Variants in DHRS7B observed in about 807,000 individuals in gnomAD.
DHRS7B encodes dehydrogenase/reductase 7B.
A neutral mutation model predicts 26.4 loss-of-function variants in DHRS7B; 24 were observed. The ratio of observed to expected loss-of-function variants is 0.91; its 90% CI spans 0.66 to 1.28. The LOEUF (loss-of-function observed/expected upper bound fraction) is 1.28, where lower values mean the gene tolerates loss of function less well. Ranked by LOEUF, DHRS7B falls within the 50% of genes most tolerant of loss-of-function variation. The probability of loss-of-function intolerance (pLI) is 0.00; values close to 1 mark genes in which losing one functional copy is unlikely to be tolerated. For synonymous variants in DHRS7B, 142 were observed against 166.4 expected, an observed-to-expected ratio of 0.85 and a Z score of 1.13; for missense variants, 368 against 419.4, an observed-to-expected ratio of 0.88 and a Z score of 1.07.
intron 1 of DHRS7B, among the ~76,000 whole-genome samples, chr17:21,163,554 A>T (rs986120327): frequency 2.6e-5 from 4 of 152,194 alleles, no homozygotes; most frequent in Admixed American, 2.6e-4. Flanking sequence ...ATTTTAGTGG[A>T]TGGAAAAGCA....
intron 2 of DHRS7B, among the ~76,000 whole-genome samples, chr17:21,176,946 G>T (rs1038082887): frequency 6.6e-6 from 1 of 152,228 alleles, no homozygotes. Flanking sequence ...TGTTGCAGGG[G>T]AGGGTAAGCA....
chr17:21,186,930 T>C (rs7225400), intron 5 of DHRS7B, among the ~76,000 whole-genome samples: 2,964 of 152,148 alleles, frequency 0.019, 89 homozygotes, highest in African/African-American at 0.066. Flanking sequence ...GGCCCACTGA[T>C]GGGGCCAATT....
intron 1 of DHRS7B, among the ~76,000 whole-genome samples, chr17:21,140,539 C>CAA (rs1597733322): frequency 8.3e-6 from 1 of 120,626 alleles, no homozygotes; most frequent in African/African-American, 3.3e-5. Flanking sequence ...CACACACACA[C>CAA]CCTGACACCC....
chr17:21,184,329 T>A (rs1974580623), intron 4 of DHRS7B, 42 bp from the exon 5 acceptor site: 1 of 1,559,572 alleles, frequency 6.4e-7, no homozygotes, highest in African/African-American at 1.4e-5. Flanking sequence ...GTGCAATGAC[T>A]GGAAGTAGGG....
intron 1 of DHRS7B, among the ~76,000 whole-genome samples, chr17:21,156,788 C>G (rs1420454351): frequency 6.6e-6 from 1 of 151,598 alleles, no homozygotes; most frequent in African/African-American, 2.4e-5. Flanking sequence ...TGGCATGCAC[C>G]TGTCATCCCA....
chr17:21,185,948 A>C (rs1445427755), intron 5 of DHRS7B, among the ~76,000 whole-genome samples: 1 of 152,216 alleles, frequency 6.6e-6, no homozygotes, highest in African/African-American at 2.4e-5. Context: ...TCAGCCTCCC[A>C]AAGCGTTGAG....
At chr17:21,181,776 C>CAA (rs1206028976) in intron 3 of DHRS7B, among the ~76,000 whole-genome samples, 1 of 152,166 alleles carries the variant, frequency 6.6e-6, no homozygotes, top group Non-Finnish European at 1.5e-5. Flanking sequence ...AGAAACACAG[C>CAA]TGATTTTTGG....
chr17:21,127,018 C>G (rs1241947142), intron 1 of DHRS7B, 27 bp downstream of exon 1: 5 of 1,512,066 alleles, frequency 3.3e-6, no homozygotes, highest in Admixed American at 2.4e-5. Flanking sequence ...AAGGAACCTC[C>G]GAGATGAGGC....
chr17:21,140,684 G>GA (rs1480037331), intron 1 of DHRS7B, among the ~76,000 whole-genome samples: 1 of 151,982 alleles, frequency 6.6e-6, no homozygotes, highest in Admixed American at 6.6e-5. Flanking sequence ...AGGCAGAAAA[G>GA]AAAAAATAGA....
chr17:21,191,207 C>G lies in DHRS7B; in HGVS notation c.*54C>G. ...GAAGCAGCACTCTTAGGCTTGCTTA[C>G]TCTACAAGGGACAGTTGCATTTGTT... On this transcript the variant is annotated 3_prime_UTR_variant, in exon 7 of 7. Coordinates refer to ENST00000395511, the MANE Select transcript of DHRS7B (RefSeq NM_015510.5). 6.4e-7 allele frequency: 1 copy of G among 1,562,920 alleles called. No homozygotes were observed. The highest frequency in any genetic ancestry group is 8.8e-7 in the Non-Finnish European group (1 of 1,136,852).
rs540444133 is a variant in DHRS7B, at chr17:21,166,128, C to T, written c.21-5890C>T. Reference sequence around the variant, plus strand: ...GCTGGGCTTTGGCACCTTTCTCCGCCCCCCCTCACAGGATTGCCGGGAAGC... The same window carrying T: ...GCTGGGCTTTGGCACCTTTCTCCGCTCCCCCTCACAGGATTGCCGGGAAGC... On this transcript the variant is annotated intron_variant, in intron 1 of 6. Coordinates refer to ENST00000395511, the MANE Select transcript of DHRS7B (RefSeq NM_015510.5). 27 of 984,958 alleles carry T rather than the reference C, an allele frequency of 2.7e-5. No individual in the cohort carries two copies. The Admixed American group carries it at 8.0e-4, about 29-fold the overall frequency. 61.0% of individuals were successfully genotyped at this position (984,958 alleles called of 1,614,324 possible).
rs889996561 is a variant in DHRS7B at position 21,183,764 on chromosome 17, G to C, written c.480G>C (p.Lys160Asn). 1 of 1,614,142 alleles carries C rather than the reference G, an allele frequency of 6.2e-7. No individual in the cohort carries two copies. Among genetic ancestry groups the C allele is most frequent in the Non-Finnish European group, 8.5e-7 (1 of 1,180,060 alleles). Residue 160 changes from lysine (K) to asparagine (N), a missense_variant, in exon 4 of 7, where the codon AAG becomes AAC. Physicochemically the swap from Lys to Asn is moderately conservative, Grantham distance 94. Coordinates refer to ENST00000395511, the MANE Select transcript of DHRS7B (RefSeq NM_015510.5). The stretch of plus-strand genomic sequence containing the variant: ...TGGACACCACAGTGGATGTGGACAA[G>C]AGGGTCATGGAGACAAACTACTTTG... ...TIMDTTVDVDKRVMETNYFGP... is the reference protein window; with the variant it reads ...TIMDTTVDVDNRVMETNYFGP...
At chr17:21,132,603 A>G (rs1478320503) in intron 1 of DHRS7B, among the ~76,000 whole-genome samples, 1 of 150,724 alleles carries the variant, frequency 6.6e-6, no homozygotes, top group Non-Finnish European at 1.5e-5. Flanking sequence ...GTTGCAGCCT[A>G]GTGTTTGCCT....
At chr17:21,159,469 A>T (rs893694726) in intron 1 of DHRS7B, among the ~76,000 whole-genome samples, 1 of 150,744 alleles carries the variant, frequency 6.6e-6, no homozygotes, top group African/African-American at 2.4e-5. Context: ...GTTGGTCAGG[A>T]TGGTCTCAAG....
chr17:21,157,414 AG>A (rs1265023585), intron 1 of DHRS7B, among the ~76,000 whole-genome samples: 1 of 152,196 alleles, frequency 6.6e-6, no homozygotes, highest in Non-Finnish European at 1.5e-5. Context: ...TATTCAAATC[AG>A]GCTAGGCACA....
At chr17:21,132,961 T>A (rs911814643) in intron 1 of DHRS7B, among the ~76,000 whole-genome samples, 3 of 152,116 alleles carry the variant, frequency 2.0e-5, no homozygotes, top group Admixed American at 6.6e-5. Context: ...AGAGTCTGAG[T>A]ACGTTGGTTG....
Position 21,162,934 on chromosome 17 carries a change from G to T in DHRS7B, c.21-9084G>T, listed in dbSNP as rs962110488. On this transcript the variant is annotated intron_variant, in intron 1 of 6. Transcript: ENST00000395511. The stretch of plus-strand genomic sequence containing the variant: ...GTTTAGGCCGGGCACAGTGGCTCAC[G>T]CCTGTAATCTCAGCACTTTGGGAGG... Among the ~76,000 whole-genome samples the T allele has an allele frequency of 7.2e-5, 11 of 152,172 alleles. No homozygotes were observed. In the East Asian group the frequency reaches 1.5e-3, roughly 21 times the overall value.
At chr17:21,129,719 A>AAG (rs111625614) in intron 1 of DHRS7B, among the ~76,000 whole-genome samples, 2,135 of 149,610 alleles carry the variant, frequency 0.014, 48 homozygotes, top group African/African-American at 0.051. Context: ...AAAAAAAAAA[A>AAG]AAAAAGAAAA....
At chr17:21,161,179 G>A (rs944408330) in intron 1 of DHRS7B, among the ~76,000 whole-genome samples, 1 of 152,130 alleles carries the variant, frequency 6.6e-6, no homozygotes, top group Non-Finnish European at 1.5e-5. Flanking sequence ...ACTGAGAGTG[G>A]GCACTAATGT....
Sources: gnomAD v4.1 joint callset for allele counts (sites outside exome capture counted in the v4.1 genomes callset) on GRCh38, gnomAD v4.1.1 for gene constraint, MANE v1.5 for transcripts, NCBI Gene and HGNC (gene_info 2026-07-23, HGNC 2026-07-21) for gene names.